Variants in SAMD13 observed in about 807,000 individuals in gnomAD.
The protein encoded by SAMD13 is sterile alpha motif domain-containing protein 13.
In SAMD13, 9 loss-of-function variants were observed where a neutral mutation model predicts 12.4. The ratio of observed to expected loss-of-function variants is 0.72; its 90% CI spans 0.44 to 1.26. The LOEUF is 1.26. Ranked by LOEUF, SAMD13 falls within the 50% of genes most tolerant of loss-of-function variation. The probability of loss-of-function intolerance (pLI) is 0.00; values close to 1 mark genes in which losing one functional copy is unlikely to be tolerated. For synonymous variants in SAMD13, 46 were observed against 45.4 expected (o/e 1.01, Z -0.05); for missense variants, 84 against 119.6 (o/e 0.70, Z 1.39).
chr1:84,302,998 A>G lies in SAMD13; in HGVS notation c.-32-205A>G, dbSNP rs1463108059. 6.4e-6 allele frequency: 3 copies of G among 471,834 alleles called. No individual in the cohort carries two copies. In the Admixed American group the frequency reaches 9.9e-5, roughly 16 times the overall value. The allele number at this position is 471,834 out of a possible 1,614,324, so 29.2% of individuals were successfully genotyped here. ...TATTGTCAAGGCAGGGAGTGCCAGTACAGATGAAAGCACCCCAATCCGTCT... is the reference window on the plus strand; with the variant it reads ...TATTGTCAAGGCAGGGAGTGCCAGTGCAGATGAAAGCACCCCAATCCGTCT... On this transcript the variant is annotated intron_variant, in intron 1 of 3. Transcript: ENST00000394834.
chr1:84,306,256 T>C (rs568298124), intron 2 of SAMD13, among the ~76,000 whole-genome samples: 2 of 151,986 alleles, frequency 1.3e-5, no homozygotes, highest in East Asian at 3.9e-4. Flanking sequence ...GTATTGCTTT[T>C]TTAATTTGAA....
chr1:84,310,342 T>C (rs1246550), intron 2 of SAMD13, among the ~76,000 whole-genome samples: 145,185 of 151,954 alleles, frequency 0.96, 69,496 homozygotes, highest in Non-Finnish European at 1. Context: ...AATACACTAC[T>C]ACTAACAATA....
intron 2 of SAMD13, among the ~76,000 whole-genome samples, chr1:84,323,859 CCT>C (rs1370850569): frequency 6.6e-6 from 1 of 152,172 alleles, no homozygotes; most frequent in African/African-American, 2.4e-5. Context: ...TGTCTAAATG[CCT>C]CTGTCTCCCA....
At chr1:84,308,707 T>C (rs1026028450) in intron 2 of SAMD13, among the ~76,000 whole-genome samples, 4 of 152,182 alleles carry the variant, frequency 2.6e-5, no homozygotes, top group Admixed American at 2.0e-4. Flanking sequence ...AGGTAAAATA[T>C]TAACATTTTG....
At chr1:84,314,160 A>G (rs1368368021) in intron 2 of SAMD13, among the ~76,000 whole-genome samples, 1 of 152,184 alleles carries the variant, frequency 6.6e-6, no homozygotes, top group Admixed American at 6.6e-5. Context: ...AGAACTTTTC[A>G]TATAACAATA....
At chr1:84,332,688 G>A (rs1679217580) in intron 3 of SAMD13, among the ~76,000 whole-genome samples, 1 of 151,880 alleles carries the variant, frequency 6.6e-6, no homozygotes, top group South Asian at 2.1e-4. Context: ...TTGTTTGTTT[G>A]CCCTGTTGAT....
At chr1:84,314,336 G>A (rs1240736718) in intron 2 of SAMD13, among the ~76,000 whole-genome samples, 3 of 152,074 alleles carry the variant, frequency 2.0e-5, no homozygotes, top group African/African-American at 7.2e-5. Flanking sequence ...TGGAAGCCTG[G>A]TCTGGCTTCT....
At chr1:84,331,194 T>TGA (rs879606552) in intron 3 of SAMD13, among the ~76,000 whole-genome samples, 8 of 152,106 alleles carry the variant, frequency 5.3e-5, no homozygotes, top group Admixed American at 5.2e-4. Flanking sequence ...AGAGCAACCC[T>TGA]GAGCATAGTG....
chr1:84,337,715 C>T (rs1203021869), intron 3 of SAMD13, among the ~76,000 whole-genome samples: 1 of 152,240 alleles, frequency 6.6e-6, no homozygotes, highest in Middle Eastern at 3.2e-3. Context: ...ATTTCTGCAA[C>T]TGGCTTGAGT....
upstream of SAMD13, among the ~76,000 whole-genome samples, chr1:84,300,996 G>A (rs1354315156): frequency 1.3e-5 from 2 of 152,182 alleles, no homozygotes; most frequent in Non-Finnish European, 1.5e-5. Context: ...AAACCTCCCA[G>A]AACTAATTGT....
intron 2 of SAMD13, among the ~76,000 whole-genome samples, chr1:84,315,755 A>G (rs1678819075): frequency 6.6e-6 from 1 of 152,182 alleles, no homozygotes; most frequent in South Asian, 2.1e-4. Flanking sequence ...GCTATGTCAC[A>G]TAGTAGTTCT....
upstream of SAMD13, among the ~76,000 whole-genome samples, chr1:84,299,994 C>G (rs1306046480): frequency 6.6e-6 from 1 of 152,074 alleles, no homozygotes; most frequent in African/African-American, 2.4e-5. Flanking sequence ...TTGCCTTTTC[C>G]CCGTCAAGAG....
At chr1:84,333,173 G>C (rs1312323875) in intron 3 of SAMD13, among the ~76,000 whole-genome samples, 2 of 152,132 alleles carry the variant, frequency 1.3e-5, no homozygotes, top group Non-Finnish European at 2.9e-5. Context: ...TTTTGCTTAG[G>C]ATTCCCTTCG....
At chr1:84,331,214 C>T (rs563958386) in intron 3 of SAMD13, among the ~76,000 whole-genome samples, 37 of 151,338 alleles carry the variant, frequency 2.4e-4, no homozygotes, top group Non-Finnish European at 4.9e-4. Context: ...GTTCTAATCA[C>T]GGCCAAATCG....
rs145678216 is a variant in SAMD13 at position 84,312,950 on chromosome 1, G to T, written c.53+9663G>T. Reference sequence around the variant, plus strand: ...GGTTGATGATTAACTCAGGTGGGGAGAGCATGAATGGGGAGCTCTGAATCA... The same window carrying T: ...GGTTGATGATTAACTCAGGTGGGGATAGCATGAATGGGGAGCTCTGAATCA... On this transcript the variant is annotated intron_variant, in intron 2 of 3. Coordinates refer to ENST00000394834, the MANE Select transcript of SAMD13 (RefSeq NM_001134663.2). Among the ~76,000 whole-genome samples the T allele has an allele frequency of 7.2e-3, 1,102 of 152,178 alleles. 22 individuals are homozygous for T. Among genetic ancestry groups the T allele is most frequent in the South Asian group, 0.038 (184 of 4,826 alleles).
intron 2 of SAMD13, among the ~76,000 whole-genome samples, chr1:84,321,803 G>A (rs764882477): frequency 5.9e-5 from 9 of 152,106 alleles, no homozygotes; most frequent in African/African-American, 1.2e-4. Context: ...CTCCTGCCCC[G>A]CACACCCTTC....
chr1:84,344,644 C>A, intron 3 of SAMD13: 1 of 301,486 alleles, frequency 3.3e-6, no homozygotes, highest in Non-Finnish European at 6.5e-6. Context: ...AAAAATAAAC[C>A]CTGTCTTGGT....
chr1:84,323,588 A>G (rs1678994980), intron 2 of SAMD13, among the ~76,000 whole-genome samples: 1 of 152,126 alleles, frequency 6.6e-6, no homozygotes, highest in South Asian at 2.1e-4. Flanking sequence ...GACTCCCTTT[A>G]ACTAGTACAG....
chr1:84,323,248 G>A (rs1048059026), intron 2 of SAMD13, among the ~76,000 whole-genome samples: 5 of 152,182 alleles, frequency 3.3e-5, no homozygotes, highest in African/African-American at 9.6e-5. Context: ...CTCAGTGCCA[G>A]TTGCTGATTG....
Sources: gnomAD v4.1 joint callset for allele counts (sites outside exome capture counted in the v4.1 genomes callset) on GRCh38, gnomAD v4.1.1 for gene constraint, MANE v1.5 for transcripts, NCBI Gene and HGNC (gene_info 2026-07-23, HGNC 2026-07-21) for gene names.